NMU: variants seen among roughly 807,000 people sequenced by gnomAD.
NMU encodes the protein neuromedin-U.
NMU carries 29 observed loss-of-function variants against 35.4 expected under a neutral mutation model. The observed-to-expected ratio is 0.82, with a 90% CI of 0.61 to 1.12. The LOEUF is 1.12. Ranked by LOEUF, NMU falls within the 50% of genes most tolerant of loss-of-function variation. The pLI is 0.00. For synonymous variants in NMU, 78 were observed against 81.3 expected (o/e 0.96, Z 0.22); for missense variants, 199 against 206.2 (o/e 0.97, Z 0.21).
Position 55,634,676 on chromosome 4 carries a change from C to T in NMU, c.112+1405G>A, listed in dbSNP as rs74804775. ...GTTTTCAAACTATGCTTATCAGCAT[C>T]CTTAAGAAGGCAGATAAAGATTACC... On this transcript the variant is annotated intron_variant, in intron 1 of 9. Transcript: ENST00000264218. Among the ~76,000 whole-genome samples the T allele has an allele frequency of 4.1e-3, 626 of 152,302 alleles. 4 individuals carry two copies. The highest frequency in any genetic ancestry group is 5.1e-3 in the Non-Finnish European group (350 of 68,026).
intron 7 of NMU, among the ~76,000 whole-genome samples, chr4:55,604,670 GC>G (rs1317349173): frequency 1.8e-4 from 18 of 102,696 alleles, no homozygotes; most frequent in Non-Finnish European, 2.7e-4. Context: ...GCGCCAATAT[GC>G]CTGGCTAATT....
chr4:55,607,013 C>T (rs1733708504), intron 6 of NMU, among the ~76,000 whole-genome samples: 1 of 151,946 alleles, frequency 6.6e-6, no homozygotes, highest in African/African-American at 2.4e-5. Flanking sequence ...TTATTTATTG[C>T]TATATTTCTA....
chr4:55,619,196 A>T (rs952367061), intron 2 of NMU, among the ~76,000 whole-genome samples: 1 of 151,862 alleles, frequency 6.6e-6, no homozygotes, highest in Non-Finnish European at 1.5e-5. Context: ...TCCGGTCTAC[A>T]GCTCCCAGCG....
chr4:55,597,222 T>A (rs1248985243), intron 9 of NMU, among the ~76,000 whole-genome samples: 1 of 152,042 alleles, frequency 6.6e-6, no homozygotes, highest in African/African-American at 2.4e-5. Context: ...ATTAATATTA[T>A]GCTGGCTTCA....
At position 55,628,058 on chromosome 4, in the gene NMU, G is replaced by A. The variant is rs532762220; in HGVS notation, c.171+2344C>T. Among the ~76,000 whole-genome samples the A allele has an allele frequency of 2.6e-5, 4 of 152,300 alleles. No individual in the cohort carries two copies. In the East Asian group the frequency reaches 5.8e-4, roughly 22 times the overall value. On this transcript the variant is annotated intron_variant, in intron 2 of 9. Transcript: ENST00000264218. ...GGAAAGAAGAAATTGTTCCTTCAGT[G>A]CTTATCATATTACCACTGGACCTTT...
At chr4:55,625,458 A>G (rs1216821656) in intron 2 of NMU, among the ~76,000 whole-genome samples, 2 of 152,154 alleles carry the variant, frequency 1.3e-5, no homozygotes. Flanking sequence ...ATATTCTATC[A>G]AGGCAGAGGC....
intron 3 of NMU, among the ~76,000 whole-genome samples, chr4:55,612,957 C>T (rs1176428642): frequency 6.6e-6 from 1 of 151,922 alleles, no homozygotes; most frequent in Non-Finnish European, 1.5e-5. Context: ...TATACACCAC[C>T]GAATACTACA....
At position 55,616,385 on chromosome 4, in the gene NMU, T is replaced by C. The variant is rs752762585; in HGVS notation, c.172A>G (p.Ile58Val). 4 of 1,610,920 alleles carry C rather than the reference T, an allele frequency of 2.5e-6. No homozygotes were observed. In the Middle Eastern group the frequency reaches 5.0e-4, roughly 200 times the overall value. ...AGAAAAGACGAACAAGTATCATCTA[T>C]CTGTAGAAAACAAAAATGTCAGTTA... ...PEQQLQLWNE[I>V]DDTCSSFLSI... The change falls in exon 3 of 10, where the codon ATA becomes GTA. Residue 58 changes from isoleucine to valine, a missense_variant and splice_region_variant. Transcript: ENST00000264218.
intron 3 of NMU, among the ~76,000 whole-genome samples, chr4:55,611,556 C>T (rs1733932613): frequency 6.6e-6 from 1 of 152,152 alleles, no homozygotes; most frequent in Admixed American, 6.5e-5. Flanking sequence ...CTGACTCACC[C>T]AAAGCAACTT....
chr4:55,604,850 T>C (rs1339836860), intron 7 of NMU, among the ~76,000 whole-genome samples: 1 of 151,834 alleles, frequency 6.6e-6, no homozygotes, highest in Non-Finnish European at 1.5e-5. Flanking sequence ...TAACAACATT[T>C]AAATACTTGA....
chr4:55,628,391 C>T (rs866545842), intron 2 of NMU, among the ~76,000 whole-genome samples: 6 of 152,108 alleles, frequency 3.9e-5, no homozygotes, highest in Non-Finnish European at 4.4e-5. Flanking sequence ...CTTTTGAAAT[C>T]AGTACTACCA....
At chr4:55,605,371 C>A in intron 6 of NMU, 22 bp from the exon 7 acceptor site, 1 of 1,580,454 alleles carries the variant, frequency 6.3e-7, no homozygotes, top group South Asian at 1.1e-5. Flanking sequence ...TGAACACACA[C>A]GTGAATAAGT....
intron 1 of NMU, among the ~76,000 whole-genome samples, chr4:55,635,706 A>G (rs1471097535): frequency 6.6e-6 from 1 of 152,208 alleles, no homozygotes; most frequent in Non-Finnish European, 1.5e-5. Context: ...AATAATTGCA[A>G]TCAAAGGGAA....
intron 7 of NMU, among the ~76,000 whole-genome samples, chr4:55,603,054 G>A (rs2110184557): frequency 6.6e-6 from 1 of 152,250 alleles, no homozygotes; most frequent in African/African-American, 2.4e-5. Context: ...CTGGAGTGCA[G>A]TGGCACGATC....
intron 8 of NMU, among the ~76,000 whole-genome samples, chr4:55,599,923 C>T (rs1163125580): frequency 6.6e-6 from 1 of 152,130 alleles, no homozygotes; most frequent in Non-Finnish European, 1.5e-5. Flanking sequence ...GCCCTTGGTA[C>T]ATTGCTCAGC....
intron 3 of NMU, among the ~76,000 whole-genome samples, chr4:55,609,518 G>A (rs1257407255): frequency 6.6e-6 from 1 of 152,206 alleles, no homozygotes; most frequent in Non-Finnish European, 1.5e-5. Context: ...AGTGCCAGAA[G>A]AGGAATTATT....
chr4:55,615,528 CA>C (rs1734079793), intron 3 of NMU, among the ~76,000 whole-genome samples: 1 of 152,184 alleles, frequency 6.6e-6, no homozygotes, highest in Admixed American at 6.5e-5. Flanking sequence ...CTTTGACCTC[CA>C]AAAGTCTGAC....
At position 55,605,336 on chromosome 4, in the gene NMU, T is replaced by A. The variant is rs751288248; in HGVS notation, c.374A>T (p.His125Leu). 4 of 1,613,434 alleles carry A rather than the reference T, an allele frequency of 2.5e-6. No homozygotes were observed. In the East Asian group the frequency reaches 8.9e-5, roughly 36 times the overall value. The change falls in exon 7 of 10, where the codon CAT (histidine) becomes CTT (leucine). Residue 125 changes from histidine to leucine, a missense_variant. His to Leu is a moderately conservative substitution (Grantham distance 99, BLOSUM62 -3). Transcript: ENST00000264218. ...GKSNVVSSVV[H>L]PLLQLVPHLH... ...GTGAGGAACGAGCTGCAGCAACGGA[T>A]GCACAACTGACGACTGAGAGGACAT...
chr4:55,616,929 G>A (rs925878066), intron 2 of NMU, among the ~76,000 whole-genome samples: 3 of 152,104 alleles, frequency 2.0e-5, no homozygotes, highest in Admixed American at 6.5e-5. Flanking sequence ...GCTACAGTTG[G>A]CAACTAACTA....
Sources: allele counts gnomAD v4.1 joint callset (sites outside exome capture counted in the v4.1 genomes callset), GRCh38; gene constraint gnomAD v4.1.1; transcripts MANE v1.5; gene names NCBI Gene and HGNC (gene_info 2026-07-23, HGNC 2026-07-21).